Variants in SMOX observed in about 807,000 individuals in gnomAD.
The protein encoded by SMOX is flavin containing amine oxidase.
A neutral mutation model predicts 51.0 loss-of-function variants in SMOX; 22 were observed. The observed-to-expected ratio is 0.43, with a 90% CI of 0.31 to 0.62. The LOEUF (loss-of-function observed/expected upper bound fraction) is 0.62, where lower values mean the gene tolerates loss of function less well. Among genes scored for constraint, SMOX ranks in the 20% least tolerant of loss-of-function variants. The pLI is 0.10. For synonymous variants in SMOX, 282 were observed against 307.8 expected, an observed-to-expected ratio of 0.92 and a Z score of 0.88; for missense variants, 566 against 777.7, an observed-to-expected ratio of 0.73 and a Z score of 3.24.
intron 1 of SMOX, among the ~76,000 whole-genome samples, chr20:4,174,002 C>T (rs545494619): frequency 6.6e-6 from 1 of 152,364 alleles, no homozygotes; most frequent in East Asian, 1.9e-4. Context: ...TCATGTCTGG[C>T]CTCTGGTGCC....
In SMOX at chr20:4,177,377, A is replaced by G; in HGVS notation, c.235A>G (p.Thr79Ala). 1 of 1,553,214 alleles carries G rather than the reference A, an allele frequency of 6.4e-7. No homozygotes were observed. Among genetic ancestry groups the G allele is most frequent in the Non-Finnish European group, 8.7e-7 (1 of 1,147,772 alleles). Residue 79 changes from threonine (T) to alanine (A), a missense_variant, in exon 3 of 7, where the codon ACC becomes GCC. Around this residue, in one of 3 missense-constraint regions of SMOX, gnomAD observed 217 missense variants for 278.4 expected, o/e 0.78. Coordinates refer to ENST00000305958, the MANE Select transcript of SMOX (RefSeq NM_175839.3). The surrounding 1 kb of genome is among the most constrained non-coding windows in gnomAD (Gnocchi z 4.3). ...LGHATFELGA[T>A]WIHGSHGNPI... ...ACACGCCACCTTTGAGCTGGGAGCCACCTGGATCCATGGCTCCCATGGGAA... is the reference window on the plus strand; with the variant it reads ...ACACGCCACCTTTGAGCTGGGAGCCGCCTGGATCCATGGCTCCCATGGGAA...
intron 6 of SMOX, among the ~76,000 whole-genome samples, chr20:4,185,201 A>G (rs145482524): frequency 6.6e-6 from 1 of 152,222 alleles, no homozygotes; most frequent in African/African-American, 2.4e-5. Flanking sequence ...GAAAGAGGAG[A>G]ATGGTTGGAT....
At chr20:4,169,790 A>G (rs1018533230) in intron 1 of SMOX, among the ~76,000 whole-genome samples, 3 of 152,158 alleles carry the variant, frequency 2.0e-5, no homozygotes, top group Non-Finnish European at 4.4e-5. Context: ...CCCACCCCGA[A>G]ATCACACAAG....
chr20:4,157,835 C>A (rs1986088670), intron 1 of SMOX, among the ~76,000 whole-genome samples: 1 of 152,124 alleles, frequency 6.6e-6, no homozygotes, highest in Non-Finnish European at 1.5e-5. Flanking sequence ...GCCACACCTC[C>A]TTTCCTCTGT....
Position 4,170,351 on chromosome 20 carries a change from G to C in SMOX, c.-26-4679G>C, listed in dbSNP as rs1986772574. ...TGCCAGGAGTTGGGTGGTGCCTCCT[G>C]TTTAGTTCTGGGCATTTCCAGGCGG... On this transcript the variant is annotated intron_variant, in intron 1 of 6. Coordinates refer to ENST00000305958, the MANE Select transcript of SMOX (RefSeq NM_175839.3). This position sits in a 1 kb window ranked among gnomAD's most constrained non-coding sequence, Gnocchi z 4.6. 6.6e-6 allele frequency among the ~76,000 whole-genome samples: 1 copy of C among 152,144 alleles called. No homozygotes were observed. The highest frequency in any genetic ancestry group is 1.5e-5 in the Non-Finnish European group (1 of 68,040).
At chr20:4,171,224 C>T (rs1027343979) in intron 1 of SMOX, among the ~76,000 whole-genome samples, 13 of 152,220 alleles carry the variant, frequency 8.5e-5, no homozygotes, top group Non-Finnish European at 1.6e-4. Flanking sequence ...GGGCAGGCAC[C>T]GAGTACCATT....
intron 2 of SMOX, 142 bp downstream of exon 2, chr20:4,175,405 T>C: frequency 9.9e-7 from 1 of 1,009,882 alleles, no homozygotes; most frequent in Non-Finnish European, 1.4e-6. Context: ...TTCCAGAAGC[T>C]TCCTTCGCTC....
rs1979370858 is a variant in SMOX at position 4,182,112 on chromosome 20, A to C, written c.633A>C (p.Ser211=). 6.3e-7 allele frequency: 1 copy of C among 1,598,984 alleles called. No individual in the cohort carries two copies. The highest frequency in any genetic ancestry group is 1.3e-5 in the African/African-American group (1 of 74,786). The stretch of plus-strand genomic sequence containing the variant: ...AGGTGGAGAGCTGTGAGAGCAGCTC[A>C]CACAGCATGGACGAGGTGTCCCTGA... ...YLKVESCESS[S]HSMDEVSLSA... is the part of the protein sequence containing the mutation. The change falls in exon 5 of 7, where the codon TCA becomes TCC. Residue 211 remains serine (S), a synonymous_variant. Transcript: ENST00000305958. The surrounding 1 kb of genome is among the most constrained non-coding windows in gnomAD (Gnocchi z 8.4).
At chr20:4,173,456 G>A (rs1479309344) in intron 1 of SMOX, among the ~76,000 whole-genome samples, 1 of 152,146 alleles carries the variant, frequency 6.6e-6, no homozygotes, top group Non-Finnish European at 1.5e-5. Context: ...GTACAGCACC[G>A]CATATGTCTC....
intron 1 of SMOX, among the ~76,000 whole-genome samples, chr20:4,156,402 C>CAG (rs149246943): frequency 2.0e-5 from 3 of 152,076 alleles, no homozygotes; most frequent in Non-Finnish European, 4.4e-5. Context: ...GAGGGCACTG[C>CAG]AGAGAGAGAG....
At position 4,182,912 on chromosome 20, in the gene SMOX, G is replaced by T; in HGVS notation, c.1369+64G>T. The T allele has an allele frequency of 6.5e-7, 1 of 1,534,434 alleles. No homozygotes were observed. Among genetic ancestry groups the T allele is most frequent in the South Asian group, 1.3e-5 (1 of 79,836 alleles). ...CTTCTTCCTCACCTGCCCTCCTCTG[G>T]TGGACCCATGGCAGCTCTCTCCTCC... On this transcript the variant is annotated intron_variant, in intron 5 of 6. Coordinates refer to ENST00000305958, the MANE Select transcript of SMOX (RefSeq NM_175839.3). This position sits in a 1 kb window ranked among gnomAD's most constrained non-coding sequence, Gnocchi z 8.4.
At chr20:4,160,794 G>A (rs1165310108) in intron 1 of SMOX, among the ~76,000 whole-genome samples, 1 of 152,304 alleles carries the variant, frequency 6.6e-6, no homozygotes, top group South Asian at 2.1e-4. Context: ...CAGGGAGGAA[G>A]GCTGCCTGGA....
intron 1 of SMOX, among the ~76,000 whole-genome samples, chr20:4,150,844 TC>T (rs67912109): frequency 0.019 from 2,188 of 116,714 alleles, 149 homozygotes; most frequent in African/African-American, 0.082. Context: ...TTTTTTTTTT[TC>T]TTTGAGACGG....
In SMOX at chr20:4,172,451, A is replaced by T. The variant is rs1978472762; in HGVS notation, c.-26-2579A>T. On this transcript the variant is annotated intron_variant, in intron 1 of 6. Transcript: ENST00000305958. This position sits in a 1 kb window ranked among gnomAD's most constrained non-coding sequence, Gnocchi z 7.7. ...GTTTGCAGGAAGGAGAACCTGGGGT[A>T]GGGTGGGGGAGGACTGGAGCCAGCC... Among the ~76,000 whole-genome samples, 1 of 151,868 alleles carries T rather than the reference A, an allele frequency of 6.6e-6. No individual in the cohort carries two copies. Among genetic ancestry groups the T allele is most frequent in the African/African-American group, 2.4e-5 (1 of 41,396 alleles).
chr20:4,168,881 CTCTATTTTATTTTATTTTAT>C (rs1410036240), intron 1 of SMOX, among the ~76,000 whole-genome samples: 5 of 144,638 alleles, frequency 3.5e-5, no homozygotes, highest in Admixed American at 2.1e-4. Context: ...AAAATTAATG[CTCTATTTTATTTTATTTTAT>C]TTTATTTTAT....
At chr20:4,179,781 C>G (rs1219025960) in intron 3 of SMOX, among the ~76,000 whole-genome samples, 1 of 152,100 alleles carries the variant, frequency 6.6e-6, no homozygotes, top group Non-Finnish European at 1.5e-5. Flanking sequence ...GTACTTACCT[C>G]ATAGTATTAT....
chr20:4,178,975 G>A (rs531084074), intron 3 of SMOX, among the ~76,000 whole-genome samples: 2 of 152,226 alleles, frequency 1.3e-5, no homozygotes, highest in East Asian at 1.9e-4. Flanking sequence ...GAGCCACCTC[G>A]CCCAGCCTAT....
rs1480995332 is a variant in SMOX at position 4,177,152 on chromosome 20, A to G, written c.209-199A>G. On this transcript the variant is annotated intron_variant, in intron 2 of 6. Transcript: ENST00000305958. The surrounding 1 kb of genome is among the most constrained non-coding windows in gnomAD (Gnocchi z 4.3). ...AAATCACAGAGTCATCCAAGGTGGC[A>G]GTTATCTTAGCTATAAGGTGGTTTT... Among the ~76,000 whole-genome samples the G allele has an allele frequency of 6.6e-6, 1 of 152,224 alleles. No homozygotes were observed. Among genetic ancestry groups the G allele is most frequent in the Non-Finnish European group, 1.5e-5 (1 of 68,040 alleles).
At chr20:4,162,970 G>C (rs1008077798) in intron 1 of SMOX, among the ~76,000 whole-genome samples, 1 of 152,232 alleles carries the variant, frequency 6.6e-6, no homozygotes, top group African/African-American at 2.4e-5. Context: ...TGTGTGGCCT[G>C]AGGTGCTTTG....
Sources: gnomAD v4.1 joint callset for allele counts (sites outside exome capture counted in the v4.1 genomes callset) on GRCh38, gnomAD v4.1.1 for gene constraint, gnomAD v4.1.1 regional missense constraint, Gnocchi (gnomAD v3.1) non-coding constraint, MANE v1.5 for transcripts, NCBI Gene and HGNC (gene_info 2026-07-23, HGNC 2026-07-21) for gene names.